The following NRG3 variants were observed in gnomAD, a reference collection of about 807,000 sequenced individuals.
The protein encoded by NRG3 is pro-neuregulin-3, membrane-bound isoform.
A neutral mutation model predicts 66.9 loss-of-function variants in NRG3; 31 were observed. The observed-to-expected ratio is 0.46, with a 90% CI of 0.35 to 0.63. The LOEUF is 0.63. Ranked by LOEUF, NRG3 falls within the 20% of genes least tolerant of loss-of-function variation. The pLI is 0.00. For synonymous variants in NRG3, 393 were observed against 359.4 expected (o/e 1.09, Z -1.06); for missense variants, 910 against 878.9 (o/e 1.04, Z -0.45).
At chr10:82,238,932 T>TA (rs2076883653) in intron 1 of NRG3, among the ~76,000 whole-genome samples, 1 of 91,500 alleles carries the variant, frequency 1.1e-5, no homozygotes, top group Non-Finnish European at 2.5e-5. Flanking sequence ...ATATATAATA[T>TA]TTATATAATA....
intron 2 of NRG3, among the ~76,000 whole-genome samples, chr10:82,701,566 G>A (rs925215615): frequency 1.3e-5 from 2 of 152,036 alleles, no homozygotes; most frequent in Non-Finnish European, 2.9e-5. Context: ...ACCATTCAAC[G>A]TACTTAGAAC....
At chr10:82,055,053 AAAG>A (rs144820033) in intron 1 of NRG3, among the ~76,000 whole-genome samples, 36,322 of 151,466 alleles carry the variant, frequency 0.24, 4,450 homozygotes, top group Middle Eastern at 0.34. Context: ...AAAGAAGGGA[AAAG>A]AAGAAAGAAA....
At chr10:82,718,598 A>G (rs889602852) in intron 2 of NRG3, among the ~76,000 whole-genome samples, 1 of 152,176 alleles carries the variant, frequency 6.6e-6, no homozygotes, top group Non-Finnish European at 1.5e-5. Flanking sequence ...AATTATTCCA[A>G]ATCTCCATTT....
intron 1 of NRG3, among the ~76,000 whole-genome samples, chr10:82,318,077 G>A (rs987968896): frequency 1.3e-5 from 2 of 152,110 alleles, no homozygotes; most frequent in South Asian, 4.1e-4. Flanking sequence ...TGGTGGGCAG[G>A]GGGTGATAGT....
intron 2 of NRG3, among the ~76,000 whole-genome samples, chr10:82,451,052 G>A (rs1289231032): frequency 2.0e-5 from 3 of 152,140 alleles, no homozygotes; most frequent in African/African-American, 2.4e-5. Context: ...AAAAAGAATA[G>A]CAATATAATA....
At chr10:82,736,471 T>G (rs1324767872) in intron 2 of NRG3, among the ~76,000 whole-genome samples, 1 of 152,208 alleles carries the variant, frequency 6.6e-6, no homozygotes, top group Non-Finnish European at 1.5e-5. Flanking sequence ...AGGAACAGGG[T>G]TTGCTGCCTG....
chr10:81,935,472 A>G (rs1847769986), intron 1 of NRG3, among the ~76,000 whole-genome samples: 1 of 152,170 alleles, frequency 6.6e-6, no homozygotes, highest in Non-Finnish European at 1.5e-5. Flanking sequence ...AGTAGCTGAG[A>G]AACTTTAGAG....
intron 1 of NRG3, among the ~76,000 whole-genome samples, chr10:82,089,509 G>T (rs2065910502): frequency 6.6e-6 from 1 of 152,152 alleles, no homozygotes; most frequent in Admixed American, 6.5e-5. Flanking sequence ...CAGCCAGGGG[G>T]TGGAGTGGTG....
chr10:82,418,458 GAA>G lies in NRG3; in HGVS notation c.953+59593_953+59594del, dbSNP rs976349022. ...TGCAAATTAACCAGTTTATGCAAAT[GAA>G]AAGAGGAGGTAAGAAGGTATAAGAT... On this transcript the variant is annotated intron_variant, in intron 2 of 8. Transcript: ENST00000372141. 2.6e-4 allele frequency among the ~76,000 whole-genome samples: 39 copies of G among 152,198 alleles called. 1 individual carries two copies. Among genetic ancestry groups the G allele is most frequent in the Middle Eastern group, 3.4e-3 (1 of 294 alleles).
At chr10:82,548,023 A>C (rs1423867076) in intron 2 of NRG3, among the ~76,000 whole-genome samples, 1 of 148,414 alleles carries the variant, frequency 6.7e-6, no homozygotes, top group Admixed American at 6.8e-5. Flanking sequence ...ACAAAAAAAG[A>C]AGTGACTCAT....
intron 1 of NRG3, among the ~76,000 whole-genome samples, chr10:82,047,022 AAAATTCTCTTTCTTG>A: frequency 7.9e-6 from 1 of 126,014 alleles, no homozygotes; most frequent in Non-Finnish European, 1.9e-5. Context: ...ATATTGGTCT[AAAATTCTCTTTCTTG>A]GTTGTGTCTC....
chr10:81,954,353 C>A (rs952381997), intron 1 of NRG3, among the ~76,000 whole-genome samples: 1 of 152,044 alleles, frequency 6.6e-6, no homozygotes, highest in African/African-American at 2.4e-5. Context: ...AGTTAATGTC[C>A]TTTTTTAATC....
intron 1 of NRG3, among the ~76,000 whole-genome samples, chr10:82,006,377 T>C (rs1016694205): frequency 1.3e-5 from 2 of 152,154 alleles, no homozygotes; most frequent in African/African-American, 4.8e-5. Flanking sequence ...CTGTGAGATT[T>C]GTAACTATCT....
chr10:82,127,341 G>T (rs2068509755), intron 1 of NRG3, among the ~76,000 whole-genome samples: 1 of 152,056 alleles, frequency 6.6e-6, no homozygotes, highest in Non-Finnish European at 1.5e-5. Context: ...TTTGTTTATT[G>T]GTTGGCTTCT....
At chr10:82,460,665 G>C (rs970292720) in intron 2 of NRG3, among the ~76,000 whole-genome samples, 1 of 152,124 alleles carries the variant, frequency 6.6e-6, no homozygotes, top group Non-Finnish European at 1.5e-5. Context: ...TGGCAGTGCA[G>C]GGAATCAGCA....
At chr10:82,710,554 C>A (rs2056597262) in intron 2 of NRG3, among the ~76,000 whole-genome samples, 2 of 136,724 alleles carry the variant, frequency 1.5e-5, no homozygotes, top group Admixed American at 8.0e-5. Context: ...CGACTGCACT[C>A]CAGCCTGGGC....
At chr10:82,244,934 T>G (rs2077169837) in intron 1 of NRG3, among the ~76,000 whole-genome samples, 1 of 151,906 alleles carries the variant, frequency 6.6e-6, no homozygotes, top group African/African-American at 2.4e-5. Context: ...GGGTTTCACC[T>G]TGTTGCCCAG....
intron 1 of NRG3, among the ~76,000 whole-genome samples, chr10:82,160,559 G>A (rs780043468): frequency 3.3e-5 from 5 of 151,808 alleles, no homozygotes; most frequent in Admixed American, 6.6e-5. Context: ...AGGCTAGAGT[G>A]CAGTGGTGCA....
chr10:82,714,485 C>T (rs146844168), intron 2 of NRG3, among the ~76,000 whole-genome samples: 1,646 of 152,232 alleles, frequency 0.011, 30 homozygotes, highest in African/African-American at 0.038. Context: ...TATTATTCCT[C>T]AAAAAACAGA....
Sources: gnomAD v4.1 joint callset for allele counts (sites outside exome capture counted in the v4.1 genomes callset) on GRCh38, gnomAD v4.1.1 for gene constraint, MANE v1.5 for transcripts, NCBI Gene and HGNC (gene_info 2026-07-23, HGNC 2026-07-21) for gene names.